BMPR1A: variants seen among roughly 807,000 people sequenced by gnomAD.
BMPR1A encodes bone morphogenetic protein receptor type 1A, also known as bone morphogenetic protein receptor type-1A.
A neutral mutation model predicts 66.0 loss-of-function variants in BMPR1A; 7 were observed. The observed-to-expected ratio is 0.11, with a 90% CI of 0.06 to 0.20. BMPR1A has a LOEUF of 0.20. BMPR1A is among the 10% of genes least tolerant of loss of function. BMPR1A has a pLI of 1.00. For missense variants in BMPR1A, 408 were observed against 669.1 expected (o/e 0.61, Z 4.31); for synonymous variants, 200 against 229.7 (o/e 0.87, Z 1.17).
rs1440506479 is a variant in BMPR1A, at chr10:86,924,263, C to T, written c.*544C>T. On this transcript the variant is annotated 3_prime_UTR_variant, in exon 13 of 13. Transcript: ENST00000372037. ...TGTGTGTCTCCATGCACATGCACGC[C>T]GGGATTCCTCTGCTGCCATTTGAAT... 3 of 240,026 alleles carry T rather than the reference C, an allele frequency of 1.2e-5. No individual in the cohort carries two copies. The highest frequency in any genetic ancestry group is 4.4e-5 in the African/African-American group (2 of 45,440). The allele number at this position is 240,026 out of a possible 1,614,324, so 14.9% of individuals were successfully genotyped here. A position where few individuals can be genotyped will look rare whatever the true frequency, so the allele number is the denominator to read the frequency against.
At chr10:86,891,106 G>A (rs1328585942) in intron 4 of BMPR1A, among the ~76,000 whole-genome samples, 1 of 152,138 alleles carries the variant, frequency 6.6e-6, no homozygotes, top group South Asian at 2.1e-4. Context: ...AACTTTACAC[G>A]TAAACTCTTG....
At chr10:86,851,003 A>G (rs1842559927) in intron 2 of BMPR1A, among the ~76,000 whole-genome samples, 1 of 152,236 alleles carries the variant, frequency 6.6e-6, no homozygotes, top group South Asian at 2.1e-4. Flanking sequence ...ATGATAGTTG[A>G]AAGTTTTAAG....
rs1843717335 is a variant in BMPR1A at position 86,924,810 on chromosome 10, C to G, written c.*1091C>G. 4.3e-6 allele frequency: 1 copy of G among 232,570 alleles called. No homozygotes were observed. The allele number at this position is 232,570 out of a possible 1,614,324, so 14.4% of individuals were successfully genotyped here. On this transcript the variant is annotated 3_prime_UTR_variant, in exon 13 of 13. Transcript: ENST00000372037. ...ACTGTAGAAACCAGCTCATGTGTAC[C>G]TCATATCCCATCCTTAAGAGAAGAA... is the stretch of plus-strand genomic sequence containing the variant.
At chr10:86,888,564 C>T (rs1323538334) in intron 3 of BMPR1A, among the ~76,000 whole-genome samples, 1 of 152,026 alleles carries the variant, frequency 6.6e-6, no homozygotes, top group East Asian at 1.9e-4. Context: ...TAGTGGCTCA[C>T]GGCTATATTC....
At chr10:86,789,586 AC>A (rs1186159435) in intron 1 of BMPR1A, among the ~76,000 whole-genome samples, 2 of 151,986 alleles carry the variant, frequency 1.3e-5, no homozygotes, top group East Asian at 3.9e-4. Context: ...GATGGTGGGC[AC>A]CTATAATCCC....
chr10:86,813,529 T>A (rs928205297), intron 1 of BMPR1A, among the ~76,000 whole-genome samples: 12 of 152,202 alleles, frequency 7.9e-5, no homozygotes, highest in African/African-American at 2.2e-4. Flanking sequence ...GTAGAATATT[T>A]GATAATTACT....
intron 1 of BMPR1A, among the ~76,000 whole-genome samples, chr10:86,791,687 T>TCCTTCCTCCCTCCCTCCCTCCCTC (rs1349088833): frequency 2.5e-5 from 2 of 78,860 alleles, no homozygotes; most frequent in African/African-American, 5.2e-5. Flanking sequence ...TTTACTTCCT[T>TCCTTCCTCCCTCCCTCCCTCCCTC]CCTCCCTCCC....
chr10:86,758,906 C>T (rs1840981840), intron 1 of BMPR1A, among the ~76,000 whole-genome samples: 1 of 152,228 alleles, frequency 6.6e-6, no homozygotes, highest in South Asian at 2.1e-4. Flanking sequence ...GGGTTTCATT[C>T]ATCTATACTC....
chr10:86,922,653 C>T (rs909838432), intron 11 of BMPR1A, among the ~76,000 whole-genome samples: 2 of 152,200 alleles, frequency 1.3e-5, no homozygotes, highest in African/African-American at 4.8e-5. Flanking sequence ...GTGCTTCATT[C>T]CTCTTACTAG....
At chr10:86,765,225 C>T (rs1339128818) in intron 1 of BMPR1A, among the ~76,000 whole-genome samples, 4 of 151,734 alleles carry the variant, frequency 2.6e-5, no homozygotes, top group South Asian at 2.1e-4. Flanking sequence ...CTGTGGCTCA[C>T]GCCTGTAATC....
At chr10:86,887,653 A>G (rs188892315) in intron 3 of BMPR1A, among the ~76,000 whole-genome samples, 35 of 152,276 alleles carry the variant, frequency 2.3e-4, no homozygotes, top group Non-Finnish European at 4.4e-4. Context: ...ATCTCAAGTG[A>G]TATTTCTGCC....
intron 3 of BMPR1A, among the ~76,000 whole-genome samples, chr10:86,883,956 C>T (rs1265394620): frequency 6.6e-6 from 1 of 151,138 alleles, no homozygotes; most frequent in Non-Finnish European, 1.5e-5. Flanking sequence ...CTCACTGCAA[C>T]CTCCATCTCC....
intron 1 of BMPR1A, among the ~76,000 whole-genome samples, chr10:86,806,039 A>AAACCTGTTGTGTTTCATG (rs1841885497): frequency 6.6e-6 from 1 of 152,058 alleles, no homozygotes; most frequent in Non-Finnish European, 1.5e-5. Context: ...TCATGACATC[A>AAACCTGTTGTGTTTCATG]ACATTTTTGA....
At chr10:86,810,756 T>C (rs12765776) in intron 1 of BMPR1A, among the ~76,000 whole-genome samples, 18,785 of 152,250 alleles carry the variant, frequency 0.12, 1,795 homozygotes, top group African/African-American at 0.26. Flanking sequence ...GGGTTATTTC[T>C]CTTTTTATTG....
At chr10:86,914,363 T>TA (rs2133558841) in intron 8 of BMPR1A, among the ~76,000 whole-genome samples, 1 of 152,088 alleles carries the variant, frequency 6.6e-6, no homozygotes, top group East Asian at 1.9e-4. Flanking sequence ...CTTCAGTACA[T>TA]AAAAAACACA....
At chr10:86,813,541 G>A (rs551077116) in intron 1 of BMPR1A, among the ~76,000 whole-genome samples, 169 of 152,208 alleles carry the variant, frequency 1.1e-3, no homozygotes, top group Non-Finnish European at 1.9e-3. Context: ...ATAATTACTC[G>A]TTTATTTTGT....
chr10:86,870,059 T>C (rs973279034), intron 2 of BMPR1A, among the ~76,000 whole-genome samples: 1 of 152,148 alleles, frequency 6.6e-6, no homozygotes, highest in African/African-American at 2.4e-5. Flanking sequence ...ACCACATCAG[T>C]GTATGTGGTG....
intron 2 of BMPR1A, among the ~76,000 whole-genome samples, chr10:86,873,082 C>T (rs1341002519): frequency 6.6e-6 from 1 of 152,148 alleles, no homozygotes; most frequent in Admixed American, 6.6e-5. Context: ...GTCTCACGGC[C>T]AGCCAGCTCT....
intron 1 of BMPR1A, among the ~76,000 whole-genome samples, chr10:86,757,237 C>T (rs1260578532): frequency 2.6e-5 from 4 of 152,160 alleles, no homozygotes; most frequent in Non-Finnish European, 5.9e-5. Context: ...GGGAAAGGCG[C>T]TCACCTCCCC....
Sources: allele counts gnomAD v4.1 joint callset (sites outside exome capture counted in the v4.1 genomes callset), GRCh38; gene constraint gnomAD v4.1.1; transcripts MANE v1.5; gene names NCBI Gene and HGNC (gene_info 2026-07-23, HGNC 2026-07-21).